NTRK1: variants seen among roughly 807,000 people sequenced by gnomAD.
NTRK1 encodes high affinity nerve growth factor receptor.
NTRK1 carries 62 observed loss-of-function variants against 86.8 expected under a neutral mutation model. The observed-to-expected ratio is 0.71, with a 90% confidence interval of 0.58 to 0.88. The LOEUF (loss-of-function observed/expected upper bound fraction) is 0.88, where lower values mean the gene tolerates loss of function less well. Ranked by LOEUF, NTRK1 falls within the 40% of genes least tolerant of loss-of-function variation. The pLI is 0.00. For synonymous variants in NTRK1, 469 were observed against 456.6 expected, an observed-to-expected ratio of 1.03 and a Z score of -0.35; for missense variants, 967 against 1,078.4, an observed-to-expected ratio of 0.90 and a Z score of 1.45.
chr1:156,839,433 C>A (rs1654696358), intron 1 of NTRK1, among the ~76,000 whole-genome samples: 1 of 152,264 alleles, frequency 6.6e-6, no homozygotes, highest in African/African-American at 2.4e-5. Flanking sequence ...TGAAGTCATT[C>A]TTTTGCAACC....
chr1:156,824,055 G>C (rs549381140), intron 1 of NTRK1, among the ~76,000 whole-genome samples: 4 of 152,314 alleles, frequency 2.6e-5, no homozygotes, highest in African/African-American at 9.6e-5. Flanking sequence ...ATGCTCCCTA[G>C]TCCTGGCCCT....
chr1:156,880,289 GC>G, intron 16 of NTRK1, 132 bp downstream of exon 16: 1 of 907,350 alleles, frequency 1.1e-6, no homozygotes, highest in Non-Finnish European at 1.7e-6. Context: ...CCAGCGCCGT[GC>G]CCACACTGTG....
Position 156,874,411 on chromosome 1 carries a change from C to T in NTRK1, c.1195+11C>T, listed in dbSNP as rs1647765477. On this transcript the variant is annotated intron_variant, in intron 9 of 16. Coordinates refer to ENST00000524377, the MANE Select transcript of NTRK1 (RefSeq NM_002529.4). ...CCTTCTCGCCGGTGGGTGAGTAGCC[C>T]AAGGTGGAGGGCAGGTTCTGCCTGG... The T allele has an allele frequency of 1.2e-6, 2 of 1,613,920 alleles. No individual in the cohort carries two copies. The highest frequency in any genetic ancestry group is 1.7e-6 in the Non-Finnish European group (2 of 1,180,024).
At position 156,845,151 on chromosome 1, in the gene NTRK1, G is replaced by T. The variant is rs147209481; in HGVS notation, c.50+2958G>T. 4.0e-5 allele frequency: 65 copies of T among 1,611,852 alleles called. No individual in the cohort carries two copies. In the African/African-American group the frequency reaches 7.9e-4, roughly 19 times the overall value. ...GTGTGCGCCGCGTGGTTGCAGGCAT[G>T]GATGTCGATCCGGTATTCCGTGAAG... On this transcript the variant is annotated intron_variant, in intron 2 of 16. Coordinates refer to the NTRK1 transcript ENST00000392302.
intron 2 of NTRK1, chr1:156,845,883 G>A: frequency 6.3e-7 from 1 of 1,597,374 alleles, no homozygotes; most frequent in Admixed American, 1.7e-5. Context: ...CCCACCTGCC[G>A]GGGCCCTGCG....
rs1252694427 is a variant in NTRK1 at position 156,879,980 on chromosome 1, C to G, written c.2047-19C>G. ...GTCCCAGGCGCCCCTGGAATTGATG[C>G]AGTGTCCGCCCGTGGCAGGTGGGAG... On this transcript the variant is annotated intron_variant, in intron 15 of 16. Coordinates refer to ENST00000524377, the MANE Select transcript of NTRK1 (RefSeq NM_002529.4). 1.2e-6 allele frequency: 2 copies of G among 1,611,884 alleles called. No individual in the cohort carries two copies. Among genetic ancestry groups the G allele is most frequent in the Non-Finnish European group, 1.7e-6 (2 of 1,179,954 alleles).
At position 156,875,005 on chromosome 1, in the gene NTRK1, A is replaced by G. The variant is rs1398425162; in HGVS notation, c.1351A>G (p.Asn451Asp). Reference protein sequence around the residue: ...KCGRRNKFGINRPAVLAPEDG... With the variant: ...KCGRRNKFGIDRPAVLAPEDG... Reference sequence around the variant, plus strand: ...TGGACGGAGAAACAAGTTTGGGATCAACCGTGAGTCGGGGCTGCAGAGGGC... The same window carrying G: ...TGGACGGAGAAACAAGTTTGGGATCGACCGTGAGTCGGGGCTGCAGAGGGC... The change falls in exon 11 of 17, where the codon AAC (asparagine) becomes GAC (aspartate). Residue 451 changes from asparagine (N) to aspartate (D), a missense_variant. Asn to Asp is a conservative substitution (Grantham distance 23). This residue lies in a region of NTRK1 where 637 missense variants were observed against 776.5 expected (regional missense o/e 0.82). Transcript: ENST00000524377. The G allele has an allele frequency of 6.2e-7, 1 of 1,610,514 alleles. No homozygotes were observed. The highest frequency in any genetic ancestry group is 8.5e-7 in the Non-Finnish European group (1 of 1,176,986).
chr1:156,838,150 C>T (rs1654643311), intron 1 of NTRK1, among the ~76,000 whole-genome samples: 1 of 152,146 alleles, frequency 6.6e-6, no homozygotes, highest in Admixed American at 6.5e-5. Flanking sequence ...CTCCCCCAGG[C>T]CTCTGGGCCT....
intron 12 of NTRK1, 95 bp downstream of exon 12, chr1:156,875,761 C>T (rs1379465162): frequency 3.3e-6 from 5 of 1,513,484 alleles, no homozygotes; most frequent in Non-Finnish European, 3.6e-6. Context: ...CTGAACGATC[C>T]CTCCCTTTCT....
At chr1:156,862,936 G>T (rs1168523078) in intron 1 of NTRK1, among the ~76,000 whole-genome samples, 1 of 152,156 alleles carries the variant, frequency 6.6e-6, no homozygotes, top group East Asian at 1.9e-4. Context: ...TGGGGCCAAG[G>T]CTGGGAAGGG....
At chr1:156,834,933 G>A (rs1439872148) in intron 1 of NTRK1, among the ~76,000 whole-genome samples, 1 of 152,138 alleles carries the variant, frequency 6.6e-6, no homozygotes, top group Non-Finnish European at 1.5e-5. Flanking sequence ...GAAAGGGTGA[G>A]CAGAGAATGA....
At chr1:156,879,894 C>T in intron 15 of NTRK1, 105 bp from the exon 16 acceptor site, 1 of 1,449,728 alleles carries the variant, frequency 6.9e-7, no homozygotes. Flanking sequence ...AGGCGTGAAC[C>T]ACCGAGCTTG....
Position 156,842,447 on chromosome 1 carries a change from G to T in NTRK1, c.50+254G>T, listed in dbSNP as rs767367173. 9.9e-6 allele frequency: 16 copies of T among 1,613,934 alleles called. No homozygotes were observed. Among genetic ancestry groups the T allele is most frequent in the Admixed American group, 1.7e-5 (1 of 59,994 alleles). Reference sequence around the variant, plus strand: ...AAGATGGCTCTTGAGGTCCCCACGGGTCATTAACTCCATGATGACCAGAGT... The same window carrying T: ...AAGATGGCTCTTGAGGTCCCCACGGTTCATTAACTCCATGATGACCAGAGT... On this transcript the variant is annotated intron_variant, in intron 2 of 16. Transcript: ENST00000392302.
intron 2 of NTRK1, chr1:156,851,945 A>G: frequency 1.2e-6 from 2 of 1,605,826 alleles, no homozygotes; most frequent in South Asian, 1.1e-5. Context: ...GCCCTGGTGT[A>G]TGCCGAAGGT....
chr1:156,869,787 G>T (rs1185884836), intron 6 of NTRK1, among the ~76,000 whole-genome samples: 1 of 152,216 alleles, frequency 6.6e-6, no homozygotes, highest in African/African-American at 2.4e-5. Context: ...GTAGCCACAG[G>T]TAACTCAGTC....
intron 10 of NTRK1, 56 bp downstream of exon 10, chr1:156,874,682 G>T (rs2102910640): frequency 6.5e-7 from 1 of 1,540,006 alleles, no homozygotes; most frequent in South Asian, 1.2e-5. Flanking sequence ...CTGGGTAGAG[G>T]CTCATCTGCA....
intron 1 of NTRK1, among the ~76,000 whole-genome samples, chr1:156,834,762 G>A (rs1265161606): frequency 6.6e-6 from 1 of 152,092 alleles, no homozygotes. Flanking sequence ...ACTATTCTGG[G>A]TAGGTGGGGA....
intron 1 of NTRK1, chr1:156,841,036 T>C: frequency 6.2e-7 from 1 of 1,600,742 alleles, no homozygotes; most frequent in Non-Finnish European, 8.5e-7. Flanking sequence ...CTGTATGCTG[T>C]CCAGAATGTG....
At chr1:156,849,253 G>A (rs751982024) in intron 2 of NTRK1, 2 of 1,613,756 alleles carry the variant, frequency 1.2e-6, no homozygotes, top group South Asian at 1.1e-5. Context: ...CACAGGCGGC[G>A]CGGTCTCCGT....
Sources: allele counts gnomAD v4.1 joint callset (sites outside exome capture counted in the v4.1 genomes callset), GRCh38; gene constraint gnomAD v4.1.1; regional missense constraint gnomAD v4.1.1; transcripts MANE v1.5; gene names NCBI Gene and HGNC (gene_info 2026-07-23, HGNC 2026-07-21).